MAGI2: variants seen among roughly 807,000 people sequenced by gnomAD.
MAGI2 encodes membrane-associated guanylate kinase, WW and PDZ domain-containing protein 2.
MAGI2 carries 35 observed loss-of-function variants against 133.3 expected under a neutral mutation model. The observed-to-expected ratio is 0.26, with a 90% CI of 0.20 to 0.35. The LOEUF (loss-of-function observed/expected upper bound fraction) is 0.35. MAGI2 is among the 10% of genes least tolerant of loss of function. MAGI2 has a pLI of 1.00. For missense variants in MAGI2, 1,636 were observed against 1,863.4 expected (o/e 0.88, Z 2.25); for synonymous variants, 729 against 710.6 (o/e 1.03, Z -0.41).
At chr7:78,590,080 C>T (rs1218184420) in intron 3 of MAGI2, among the ~76,000 whole-genome samples, 1 of 152,168 alleles carries the variant, frequency 6.6e-6, no homozygotes, top group African/African-American at 2.4e-5. Context: ...AGAGAGAAGA[C>T]AAAGTTGAAA....
intron 2 of MAGI2, among the ~76,000 whole-genome samples, chr7:78,952,803 T>C (rs867246330): frequency 1.3e-5 from 2 of 152,194 alleles, no homozygotes; most frequent in Admixed American, 6.5e-5. Flanking sequence ...CATCCTGATA[T>C]TTTAAAATTC....
chr7:79,241,173 G>C (rs1258303102), intron 1 of MAGI2, among the ~76,000 whole-genome samples: 1 of 152,136 alleles, frequency 6.6e-6, no homozygotes, highest in Non-Finnish European at 1.5e-5. Context: ...ATGATGGAGT[G>C]AACAGGAGAG....
intron 3 of MAGI2, among the ~76,000 whole-genome samples, chr7:78,543,543 G>A (rs976926992): frequency 6.6e-6 from 1 of 152,136 alleles, no homozygotes; most frequent in Non-Finnish European, 1.5e-5. Context: ...GAGGCCATTC[G>A]AATCAGACTC....
In MAGI2 at chr7:78,874,323, ATAGTC is replaced by A. The variant is rs201029310; in HGVS notation, c.418+132762_418+132766del. ...ACAACAATAATTTAATTAGACTAGT[ATAGTC>A]TAGAAATCCCAGCAGTATACACAAG... On this transcript the variant is annotated intron_variant, in intron 2 of 21. Coordinates refer to ENST00000354212, the MANE Select transcript of MAGI2 (RefSeq NM_012301.4). Among the ~76,000 whole-genome samples the A allele has an allele frequency of 7.7e-3, 1,167 of 152,286 alleles. 19 individuals are homozygous for A. The highest frequency in any genetic ancestry group is 0.027 in the African/African-American group (1,102 of 41,560).
At chr7:79,093,401 A>T (rs889416305) in intron 1 of MAGI2, among the ~76,000 whole-genome samples, 6 of 152,208 alleles carry the variant, frequency 3.9e-5, no homozygotes, top group African/African-American at 1.4e-4. Context: ...ACAATAAAGC[A>T]AATATTGCAA....
chr7:78,305,867 C>T (rs1469387008), intron 9 of MAGI2, among the ~76,000 whole-genome samples: 1 of 152,140 alleles, frequency 6.6e-6, no homozygotes, highest in Non-Finnish European at 1.5e-5. Flanking sequence ...CATTTCTAGT[C>T]ATTTATAAAT....
intron 2 of MAGI2, among the ~76,000 whole-genome samples, chr7:78,825,281 A>G (rs1044634018): frequency 1.3e-5 from 2 of 152,162 alleles, no homozygotes; most frequent in African/African-American, 4.8e-5. Flanking sequence ...TACAAGAAAG[A>G]AGGTTAGAGG....
chr7:78,347,030 T>C (rs1011291927), intron 7 of MAGI2: 5 of 152,228 alleles, frequency 3.3e-5, no homozygotes, highest in Admixed American at 2.6e-4. Flanking sequence ...TTAAAGGCAA[T>C]GAGACTGACA....
At position 79,399,079 on chromosome 7, in the gene MAGI2, C is replaced by CTTTTCTTTTTTTTTTTTTTT. The variant is rs1585840184; in HGVS notation, c.301+53940_301+53941insAAAAAAAAAAAAAAAGAAAA. 7.2e-4 allele frequency among the ~76,000 whole-genome samples: 83 copies of CTTTTCTTTTTTTTTTTTTTT among 114,636 alleles called. 9 individuals carry two copies. Among genetic ancestry groups the CTTTTCTTTTTTTTTTTTTTT allele is most frequent in the East Asian group, 5.3e-3 (18 of 3,410 alleles). 75.2% of individuals were successfully genotyped at this position (114,636 alleles called of 152,430 possible). The stretch of plus-strand genomic sequence containing the variant: ...CATCTTCAATTCACTAGTATTATTT[C>CTTTTCTTTTTTTTTTTTTTT]TTTTTTTTTTCTTTTCTTTTTTTTT... On this transcript the variant is annotated intron_variant, in intron 1 of 21. Coordinates refer to ENST00000354212, the MANE Select transcript of MAGI2 (RefSeq NM_012301.4).
chr7:79,135,938 CGAAAGAAAGAAA>C (rs869064064), intron 1 of MAGI2, among the ~76,000 whole-genome samples: 1 of 63,070 alleles, frequency 1.6e-5, no homozygotes, highest in Non-Finnish European at 2.6e-5. Flanking sequence ...AAAATCCTCT[CGAAAGAAAGAAA>C]GAAAGAAAGA....
chr7:78,187,734 T>A (rs1584316821), intron 12 of MAGI2, among the ~76,000 whole-genome samples: 1 of 152,170 alleles, frequency 6.6e-6, no homozygotes, highest in Admixed American at 6.6e-5. Context: ...ACTTGAGAAA[T>A]GTCCTTTTGT....
chr7:79,007,242 G>T (rs1807549679), intron 1 of MAGI2, 36 bp from the exon 2 acceptor site: 1 of 1,237,852 alleles, frequency 8.1e-7, no homozygotes, highest in African/African-American at 1.5e-5. Flanking sequence ...AAGGGATGTT[G>T]GAAAATATTT....
chr7:78,322,008 A>C (rs183894446), intron 9 of MAGI2, among the ~76,000 whole-genome samples: 1 of 152,252 alleles, frequency 6.6e-6, no homozygotes, highest in Non-Finnish European at 1.5e-5. Context: ...AAACATGAAA[A>C]AAAGCTCATG....
intron 3 of MAGI2, among the ~76,000 whole-genome samples, chr7:78,583,855 CTT>C (rs1467163726): frequency 6.6e-6 from 1 of 152,178 alleles, no homozygotes; most frequent in African/African-American, 2.4e-5. Context: ...TTTCATTTCT[CTT>C]GTCTATGGTA....
chr7:79,247,987 A>G (rs1301052421), intron 1 of MAGI2, among the ~76,000 whole-genome samples: 1 of 152,184 alleles, frequency 6.6e-6, no homozygotes, highest in Non-Finnish European at 1.5e-5. Context: ...CAGGACACAA[A>G]TAACAAAATG....
chr7:78,905,598 G>T (rs925621237), intron 2 of MAGI2, among the ~76,000 whole-genome samples: 2 of 152,142 alleles, frequency 1.3e-5, no homozygotes, highest in Admixed American at 6.5e-5. Context: ...CCCTTTCCAG[G>T]ATTTTATTAT....
intron 2 of MAGI2, among the ~76,000 whole-genome samples, chr7:78,989,564 A>G (rs1265670958): frequency 6.6e-6 from 1 of 152,086 alleles, no homozygotes; most frequent in African/African-American, 2.4e-5. Context: ...CTCTCAACAC[A>G]CAGTTGATTC....
intron 1 of MAGI2, among the ~76,000 whole-genome samples, chr7:79,204,247 T>C (rs925239733): frequency 6.6e-6 from 1 of 152,100 alleles, no homozygotes; most frequent in African/African-American, 2.4e-5. Context: ...AGGATCACAC[T>C]GTTCCAGGCT....
chr7:78,952,372 T>A (rs1008835751), intron 2 of MAGI2, among the ~76,000 whole-genome samples: 3 of 152,170 alleles, frequency 2.0e-5, no homozygotes, highest in African/African-American at 7.2e-5. Context: ...CACTGCTTTT[T>A]CTTTTCTGTC....
Sources: allele counts gnomAD v4.1 joint callset (sites outside exome capture counted in the v4.1 genomes callset), GRCh38; gene constraint gnomAD v4.1.1; transcripts MANE v1.5; gene names NCBI Gene and HGNC (gene_info 2026-07-23, HGNC 2026-07-21).